Variants in DST observed in about 807,000 individuals in gnomAD.
The protein encoded by DST is bullous pemphigoid antigen.
A neutral mutation model predicts 875.2 loss-of-function variants in DST; 253 were observed. That is an observed-to-expected ratio of 0.29 (90% CI 0.26 to 0.32). DST has a LOEUF of 0.32. Ranked by LOEUF, DST falls within the 10% of genes least tolerant of loss-of-function variation. DST has a pLI of 1.00. For missense variants in DST, 8,287 were observed against 9,111.6 expected (o/e 0.91, Z 3.68); for synonymous variants, 3,124 against 3,197.1 (o/e 0.98, Z 0.77).
chr6:56,527,687 T>G lies in DST; in HGVS notation c.17728A>C (p.Arg5910=). 6.2e-7 allele frequency: 1 copy of G among 1,612,482 alleles called. No homozygotes were observed. The highest frequency in any genetic ancestry group is 8.5e-7 in the Non-Finnish European group (1 of 1,179,134). Reference sequence around the variant, plus strand: ...CTCAGTTTAGTAATGTCTTTGTACCTTGCTTTAATGGCTTCCAATTTATCT... The same window carrying G: ...CTCAGTTTAGTAATGTCTTTGTACCGTGCTTTAATGGCTTCCAATTTATCT... ...IQDKLEAIKA[R]YKDITKLSTD... The change falls in exon 68 of 104, where the codon AGG becomes CGG. Residue 5910 remains arginine, a synonymous_variant. Transcript: ENST00000680361.
At chr6:56,645,806 C>T (rs1032515515) in intron 15 of DST, 60 bp downstream of exon 15, 3 of 1,582,560 alleles carry the variant, frequency 1.9e-6, no homozygotes, top group Non-Finnish European at 1.7e-6. Context: ...AGTTCTTTCA[C>T]AAGAACACAA....
Position 56,597,940 on chromosome 6 carries a change from T to G in DST, c.11995A>C (p.Asn3999His). 5 of 1,613,662 alleles carry G rather than the reference T, an allele frequency of 3.1e-6. No homozygotes were observed. The highest frequency in any genetic ancestry group is 3.4e-6 in the Non-Finnish European group (4 of 1,179,714). Residue 3999 changes from asparagine (N) to histidine (H), a missense_variant, in exon 47 of 104, where the codon AAT becomes CAT. Asn to His is a moderately conservative substitution (Grantham distance 68). Transcript: ENST00000680361. ...GCCCTTTCTGAGTCTTTGTCAACAT[T>G]TGACAACCAGTCCAAAAGGTTTTCT... Reference protein sequence around the residue: ...KIENLLDWLSNVDKDSERAGT... With the variant: ...KIENLLDWLSHVDKDSERAGT...
intron 10 of DST, among the ~76,000 whole-genome samples, chr6:56,653,557 C>A (rs766082445): frequency 6.6e-6 from 1 of 151,896 alleles, no homozygotes; most frequent in Admixed American, 6.6e-5. Flanking sequence ...TGATGGCAGG[C>A]GCCTGTAATC....
intron 4 of DST, among the ~76,000 whole-genome samples, chr6:56,799,350 ATCTC>A (rs900096530): frequency 6.8e-6 from 1 of 148,130 alleles, no homozygotes; most frequent in Non-Finnish European, 1.5e-5. Flanking sequence ...GCAAGAAACT[ATCTC>A]TCTTTTTTTT....
intron 4 of DST, among the ~76,000 whole-genome samples, chr6:56,748,762 A>G (rs2099579406): frequency 6.6e-6 from 1 of 152,214 alleles, no homozygotes; most frequent in East Asian, 1.9e-4. Context: ...GCAAGGAAAC[A>G]GCAGAGCTGG....
intron 15 of DST, among the ~76,000 whole-genome samples, chr6:56,645,230 C>G (rs2098935491): frequency 6.6e-6 from 1 of 152,140 alleles, no homozygotes. Context: ...ATCACAATTC[C>G]CAGGTACCAG....
chr6:56,900,541 C>G lies in DST; in HGVS notation c.297G>C (p.Val99=). The part of the protein sequence containing the change: ...AAARLEEVKP[V]VEVHHQSEQE... ...GCTCACTCTGATGGTGAACTTCCAC[C>G]ACGGGCTTCACTTCTTCCAGACGGG... Residue 99 remains valine (V), a synonymous_variant, in exon 3 of 104, where the codon GTG becomes GTC. Coordinates refer to ENST00000680361, the MANE Select transcript of DST (RefSeq NM_001374736.1). 2.9e-6 allele frequency: 4 copies of G among 1,367,664 alleles called. No homozygotes were observed. The highest frequency in any genetic ancestry group is 1.1e-5 in the South Asian group (1 of 88,042). The allele number at this position is 1,367,664 out of a possible 1,614,324, so 84.7% of individuals were successfully genotyped here.
At chr6:56,755,592 T>G (rs2099600236) in intron 4 of DST, among the ~76,000 whole-genome samples, 1 of 152,162 alleles carries the variant, frequency 6.6e-6, no homozygotes, top group African/African-American at 2.4e-5. Context: ...GGTCTTCAGA[T>G]TACCAAATCC....
intron 9 of DST, among the ~76,000 whole-genome samples, chr6:56,690,637 A>G (rs2099222212): frequency 1.3e-5 from 2 of 152,364 alleles, no homozygotes; most frequent in South Asian, 4.1e-4. Flanking sequence ...AACTGATCAC[A>G]TAGGGAAGCT....
chr6:56,505,803 G>C (rs564939478), intron 77 of DST, among the ~76,000 whole-genome samples: 1 of 152,008 alleles, frequency 6.6e-6, no homozygotes, highest in South Asian at 2.1e-4. Flanking sequence ...ATATACCCGA[G>C]TTGGCCTCAA....
In DST at chr6:56,607,085, T is replaced by C; in HGVS notation, c.7543A>G (p.Ser2515Gly). The change falls in exon 40 of 104, where the codon AGT becomes GGT. Residue 2515 changes from serine to glycine, a missense_variant. Coordinates refer to ENST00000680361, the MANE Select transcript of DST (RefSeq NM_001374736.1). ...YGQKSLNMISSNPQVQYHNDK... is the reference protein window; with the variant it reads ...YGQKSLNMISGNPQVQYHNDK... ...TTGTGATATTGTACTTGAGGATTAC[T>C]AGAAATCATATTTAAAGATTTCTGT... is the stretch of plus-strand genomic sequence containing the variant. 6.2e-7 allele frequency: 1 copy of C among 1,613,016 alleles called. No individual in the cohort carries two copies. Among genetic ancestry groups the C allele is most frequent in the South Asian group, 1.1e-5 (1 of 91,060 alleles).
Position 56,552,820 on chromosome 6 carries a change from G to A in DST, c.15972C>T (p.Ala5324=). 6.2e-7 allele frequency: 1 copy of A among 1,612,312 alleles called. No homozygotes were observed. The highest frequency in any genetic ancestry group is 8.5e-7 in the Non-Finnish European group (1 of 1,179,880). Residue 5324 remains alanine (A), a synonymous_variant, in exon 61 of 104, where the codon GCC becomes GCT. Transcript: ENST00000680361. ...TAGCCAAATCTACCTGATGCTTCAA[G>A]GCCTGAAGTGATTTCTGCTGAGTTT... ...MLQTQQKSLQ[A]LKHQVDLAKR...
chr6:56,765,299 T>A (rs1260251334), intron 4 of DST, among the ~76,000 whole-genome samples: 1 of 152,218 alleles, frequency 6.6e-6, no homozygotes, highest in African/African-American at 2.4e-5. Flanking sequence ...TCTGCAGATA[T>A]CATTTGCCCC....
intron 4 of DST, among the ~76,000 whole-genome samples, chr6:56,820,726 C>T (rs530943837): frequency 1.5e-4 from 23 of 152,128 alleles, no homozygotes; most frequent in Non-Finnish European, 2.9e-4. Flanking sequence ...AAATACTTAC[C>T]AGTACATTAC....
At chr6:56,485,240 T>A (rs750273723) in intron 88 of DST, 72 bp downstream of exon 88, 1 of 1,544,774 alleles carries the variant, frequency 6.5e-7, no homozygotes, top group Non-Finnish European at 8.9e-7. Context: ...AAGGCTAATT[T>A]AAATGGTTTA....
In DST at chr6:56,832,712, C is replaced by T. The variant is rs185806274; in HGVS notation, c.625+18685G>A. On this transcript the variant is annotated intron_variant, in intron 4 of 103. Coordinates refer to ENST00000680361, the MANE Select transcript of DST (RefSeq NM_001374736.1). ...ATCAAACTCTTAATTTGAATCACTC[C>T]GCTTTTTATCTACTAAGTATTTTCA... 2.2e-3 allele frequency among the ~76,000 whole-genome samples: 328 copies of T among 151,720 alleles called. 1 individual carries two copies. The highest frequency in any genetic ancestry group is 7.7e-3 in the African/African-American group (317 of 41,424).
At chr6:56,705,262 A>T (rs1356755381) in intron 5 of DST, among the ~76,000 whole-genome samples, 2 of 152,236 alleles carry the variant, frequency 1.3e-5, no homozygotes, top group African/African-American at 4.8e-5. Context: ...TACTCCCATG[A>T]AAGGAGCCAA....
At chr6:56,676,527 C>T (rs2099131038) in intron 9 of DST, among the ~76,000 whole-genome samples, 1 of 152,116 alleles carries the variant, frequency 6.6e-6, no homozygotes, top group Non-Finnish European at 1.5e-5. Flanking sequence ...GGGATTATTA[C>T]TTGGATATAT....
intron 5 of DST, among the ~76,000 whole-genome samples, chr6:56,732,298 T>C (rs1160095608): frequency 1.3e-5 from 2 of 152,378 alleles, no homozygotes; most frequent in East Asian, 3.9e-4. Context: ...AACAGCCATT[T>C]GGTTGAAAAG....
Sources: gnomAD v4.1 joint callset for allele counts (sites outside exome capture counted in the v4.1 genomes callset) on GRCh38, gnomAD v4.1.1 for gene constraint, MANE v1.5 for transcripts, NCBI Gene and HGNC (gene_info 2026-07-23, HGNC 2026-07-21) for gene names.